Variants in EFCAB6 observed in about 807,000 individuals in gnomAD.
The protein encoded by EFCAB6 is EF-hand calcium binding domain 6.
In EFCAB6, 156 loss-of-function variants were observed where a neutral mutation model predicts 169.8. The observed-to-expected ratio is 0.92, with a 90% CI of 0.81 to 1.05. The LOEUF is 1.05. EFCAB6 is among the 50% of genes least tolerant of loss of function. EFCAB6 has a pLI of 0.00. For synonymous variants in EFCAB6, 698 were observed against 676.4 expected, an observed-to-expected ratio of 1.03 and a Z score of -0.50; for missense variants, 1,800 against 1,829.1, an observed-to-expected ratio of 0.98 and a Z score of 0.29.
At position 43,755,777 on chromosome 22, in the gene EFCAB6, C is replaced by G. The variant is rs759063961; in HGVS notation, c.496G>C (p.Val166Leu). 2.3e-5 allele frequency: 37 copies of G among 1,606,910 alleles called. No individual in the cohort carries two copies. Among genetic ancestry groups the G allele is most frequent in the Non-Finnish European group, 3.1e-5 (37 of 1,177,876 alleles). Residue 166 changes from valine (V) to leucine (L), a missense_variant, in exon 6 of 32, where the codon GTG becomes CTG. Physicochemically the swap from Val to Leu is conservative, Grantham distance 32. Transcript: ENST00000262726. ...CRTLRELEIQ[V>L]GEKVFKNIKT... ...AAAATCTCTATTACCTTTTCTCCCA[C>G]TTGGATTTCAAGTTCTCTTAATGTG...
chr22:43,558,243 G>A (rs183102428), intron 26 of EFCAB6, among the ~76,000 whole-genome samples: 1 of 152,172 alleles, frequency 6.6e-6, no homozygotes, highest in South Asian at 2.1e-4. Context: ...TAGGAAAGTG[G>A]CTGGATTCAA....
Position 43,565,245 on chromosome 22 carries a change from T to C in EFCAB6, c.3421-10149A>G, listed in dbSNP as rs537888918. On this transcript the variant is annotated intron_variant, in intron 26 of 31. Coordinates refer to ENST00000262726, the MANE Select transcript of EFCAB6 (RefSeq NM_022785.4). ...GGACCAAGGAGGAGAATGACAGAGATGAAGAGCAGAGTCATCCTAGCGAAG... is the reference window on the plus strand; with the variant it reads ...GGACCAAGGAGGAGAATGACAGAGACGAAGAGCAGAGTCATCCTAGCGAAG... 1.2e-4 allele frequency among the ~76,000 whole-genome samples: 19 copies of C among 152,288 alleles called. No individual in the cohort carries two copies. In the East Asian group the frequency reaches 3.5e-3, roughly 28 times the overall value.
intron 19 of EFCAB6, among the ~76,000 whole-genome samples, chr22:43,627,750 C>T (rs1252857452): frequency 6.6e-6 from 1 of 152,180 alleles, no homozygotes; most frequent in Non-Finnish European, 1.5e-5. Flanking sequence ...CTTGTCCCCT[C>T]TTGTTACAGG....
chr22:43,740,342 C>T (rs2060323673), intron 6 of EFCAB6, among the ~76,000 whole-genome samples: 1 of 152,154 alleles, frequency 6.6e-6, no homozygotes, highest in Non-Finnish European at 1.5e-5. Flanking sequence ...GCATCTGGCA[C>T]AGTGTGGACA....
intron 20 of EFCAB6, among the ~76,000 whole-genome samples, chr22:43,619,128 A>T (rs892979247): frequency 6.6e-6 from 1 of 152,168 alleles, no homozygotes; most frequent in Admixed American, 6.5e-5. Flanking sequence ...TGATGTGTAA[A>T]GGTGTGGAAC....
chr22:43,580,534 G>C lies in EFCAB6; in HGVS notation c.3158C>G (p.Thr1053Arg), dbSNP rs114552996. Residue 1053 changes from threonine to arginine, a missense_variant, in exon 25 of 32, where the codon ACG (threonine) becomes AGG (arginine). Transcript: ENST00000262726. ...KEESMPINFA[T>R]LNPQEAVRKI... ...CCTCACAGCCTCCTGTGGATTCAGC[G>C]TTGCAAAATTGATTGGCATGCTCTC... 6.2e-7 allele frequency: 1 copy of C among 1,614,088 alleles called. No homozygotes were observed. Among genetic ancestry groups the C allele is most frequent in the East Asian group, 2.2e-5 (1 of 44,868 alleles).
At chr22:43,769,405 T>G (rs1416935695) in intron 4 of EFCAB6, among the ~76,000 whole-genome samples, 1 of 152,106 alleles carries the variant, frequency 6.6e-6, no homozygotes, top group East Asian at 1.9e-4. Flanking sequence ...TTCAATTAGA[T>G]AGTGGTGATG....
chr22:43,555,192 G>A (rs868151043), intron 26 of EFCAB6, 96 bp from the exon 27 acceptor site: 3 of 1,314,726 alleles, frequency 2.3e-6, no homozygotes, highest in Middle Eastern at 4.5e-4. Flanking sequence ...GGGAGACCCA[G>A]CGTGGTGGGG....
intron 17 of EFCAB6, among the ~76,000 whole-genome samples, chr22:43,641,263 T>G (rs926704669): frequency 6.6e-6 from 1 of 152,226 alleles, no homozygotes; most frequent in South Asian, 2.1e-4. Context: ...AGCCCATGCC[T>G]ATGCAGATAT....
chr22:43,742,879 C>T (rs975543001), intron 6 of EFCAB6, among the ~76,000 whole-genome samples: 3 of 152,184 alleles, frequency 2.0e-5, no homozygotes, highest in East Asian at 1.9e-4. Flanking sequence ...GCTTGGACCT[C>T]GGCATGATGG....
Position 43,672,347 on chromosome 22 carries a change from G to C in EFCAB6, c.1420-42C>G. Reference sequence around the variant, plus strand: ...AAGTATATAAATAAATACCACTCATGAAAGTCATTAGGAGCTTTGGAGGCA... The same window carrying C: ...AAGTATATAAATAAATACCACTCATCAAAGTCATTAGGAGCTTTGGAGGCA... On this transcript the variant is annotated intron_variant, in intron 13 of 31. Coordinates refer to ENST00000262726, the MANE Select transcript of EFCAB6 (RefSeq NM_022785.4). 3.1e-6 allele frequency: 5 copies of C among 1,604,190 alleles called. No homozygotes were observed. In the South Asian group the frequency reaches 5.6e-5, roughly 18 times the overall value.
chr22:43,681,597 A>ATTT (rs1228288380), intron 12 of EFCAB6, among the ~76,000 whole-genome samples: 114 of 152,310 alleles, frequency 7.5e-4, no homozygotes, highest in Middle Eastern at 3.4e-3. Flanking sequence ...ACATATTTCT[A>ATTT]TGTATTTGAT....
At chr22:43,777,774 A>C (rs990813647) in intron 3 of EFCAB6, among the ~76,000 whole-genome samples, 1 of 152,228 alleles carries the variant, frequency 6.6e-6, no homozygotes, top group Non-Finnish European at 1.5e-5. Flanking sequence ...AAAGAATCAG[A>C]AAATATTGAT....
chr22:43,593,338 C>A (rs567916260), intron 23 of EFCAB6, among the ~76,000 whole-genome samples: 78 of 152,204 alleles, frequency 5.1e-4, no homozygotes, highest in Middle Eastern at 3.4e-3. Flanking sequence ...AGCTGCATGC[C>A]CATGCTCCGT....
At chr22:43,548,489 G>A (rs949614414) in intron 27 of EFCAB6, among the ~76,000 whole-genome samples, 6 of 130,186 alleles carry the variant, frequency 4.6e-5, no homozygotes, top group African/African-American at 1.8e-4. Flanking sequence ...GCAGTGAGCC[G>A]AGATCAAGCC....
chr22:43,727,951 T>C (rs1220864199), intron 8 of EFCAB6, among the ~76,000 whole-genome samples: 3 of 151,824 alleles, frequency 2.0e-5, no homozygotes, highest in African/African-American at 7.3e-5. Flanking sequence ...AACATGCAGG[T>C]CTGTTATATA....
chr22:43,582,520 C>T (rs2050795467), intron 24 of EFCAB6, among the ~76,000 whole-genome samples: 1 of 152,154 alleles, frequency 6.6e-6, no homozygotes, highest in Admixed American at 6.5e-5. Flanking sequence ...TCAATAAGAA[C>T]TCAGAAAATT....
At chr22:43,810,816 T>A (rs956315957) in intron 1 of EFCAB6, among the ~76,000 whole-genome samples, 2 of 152,158 alleles carry the variant, frequency 1.3e-5, no homozygotes, top group Non-Finnish European at 2.9e-5. Context: ...AAAATCCTCA[T>A]CCTCAAAGGA....
intron 17 of EFCAB6, among the ~76,000 whole-genome samples, chr22:43,655,993 T>C (rs2056719387): frequency 6.6e-6 from 1 of 152,188 alleles, no homozygotes; most frequent in African/African-American, 2.4e-5. Context: ...AGTGAATAAT[T>C]CAACAGTCAA....
Sources: gnomAD v4.1 joint callset for allele counts (sites outside exome capture counted in the v4.1 genomes callset) on GRCh38, gnomAD v4.1.1 for gene constraint, MANE v1.5 for transcripts, NCBI Gene and HGNC (gene_info 2026-07-23, HGNC 2026-07-21) for gene names.